BAALC: variants seen among roughly 807,000 people sequenced by gnomAD.
BAALC encodes the protein brain and acute leukemia cytoplasmic protein.
A neutral mutation model predicts 15.5 loss-of-function variants in BAALC; 9 were observed. That is an observed-to-expected ratio of 0.58 (90% CI 0.35 to 1.02). The LOEUF (loss-of-function observed/expected upper bound fraction) is 1.02, where lower values mean the gene tolerates loss of function less well. Ranked by LOEUF, BAALC falls within the 50% of genes least tolerant of loss-of-function variation. The probability of loss-of-function intolerance (pLI) is 0.02; values close to 1 mark genes in which losing one functional copy is unlikely to be tolerated. For missense variants in BAALC, 201 were observed against 192.4 expected, an observed-to-expected ratio of 1.04 and a Z score of -0.27; for synonymous variants, 80 against 74.6, an observed-to-expected ratio of 1.07 and a Z score of -0.37.
In BAALC at chr8:103,140,776, G is replaced by A. The variant is rs1035060247; in HGVS notation, c.-122G>A. The A allele has an allele frequency of 3.6e-5, 32 of 889,446 alleles. No individual in the cohort carries two copies. Among genetic ancestry groups the A allele is most frequent in the Non-Finnish European group, 4.6e-5 (32 of 690,536 alleles). The allele number at this position is 889,446 out of a possible 1,614,324, so 55.1% of individuals were successfully genotyped here. A position where few individuals can be genotyped will look rare whatever the true frequency, so the allele number is the denominator to read the frequency against. ...AGCTCCGCGCGGCTGCAGCGCGGGCGGGAGCGGGGACGCGATGTCGCCGCC... is the reference window on the plus strand; with the variant it reads ...AGCTCCGCGCGGCTGCAGCGCGGGCAGGAGCGGGGACGCGATGTCGCCGCC... On this transcript the variant is annotated 5_prime_UTR_variant, in exon 1 of 3. Transcript: ENST00000309982. The surrounding 1 kb of genome is among the most constrained non-coding windows in gnomAD (Gnocchi z 4.2).
At chr8:103,151,121 G>C (rs1053411026) in intron 1 of BAALC, among the ~76,000 whole-genome samples, 1 of 151,612 alleles carries the variant, frequency 6.6e-6, no homozygotes, top group Middle Eastern at 3.4e-3. Flanking sequence ...GGGTTCAAGC[G>C]ATTCTCCTCC....
At chr8:103,222,925 TTAA>T (rs886236506) in intron 2 of BAALC, among the ~76,000 whole-genome samples, 90 of 152,332 alleles carry the variant, frequency 5.9e-4, no homozygotes, top group African/African-American at 2.0e-3. Flanking sequence ...ACAAATAAAA[TTAA>T]TGTTAATAGC....
chr8:103,227,862 G>A (rs1427262987), intron 2 of BAALC, 127 bp from the exon 3 acceptor site: 1 of 649,832 alleles, frequency 1.5e-6, no homozygotes, highest in East Asian at 2.8e-5. Flanking sequence ...TGTGATTTAT[G>A]TTCCTTTTTC....
At chr8:103,212,187 G>A (rs1396677287) in intron 1 of BAALC, among the ~76,000 whole-genome samples, 1 of 152,162 alleles carries the variant, frequency 6.6e-6, no homozygotes, top group Non-Finnish European at 1.5e-5. Context: ...TCTCATGCCT[G>A]TAATCTCAGC....
At chr8:103,221,664 G>A (rs1297907910) in intron 2 of BAALC, among the ~76,000 whole-genome samples, 3 of 152,144 alleles carry the variant, frequency 2.0e-5, no homozygotes, top group Admixed American at 2.0e-4. Flanking sequence ...TCTTCTCAGC[G>A]GAGGGCAAAA....
Position 103,230,179 on chromosome 8 carries a change from G to T in BAALC, c.*2080G>T, listed in dbSNP as rs1242916135. The T allele has an allele frequency of 6.6e-6, 1 of 150,444 alleles. No individual in the cohort carries two copies. Among genetic ancestry groups the T allele is most frequent in the Non-Finnish European group, 1.5e-5 (1 of 67,692 alleles). 9.3% of individuals were successfully genotyped at this position (150,444 alleles called of 1,614,324 possible). A position where few individuals can be genotyped will look rare whatever the true frequency, so the allele number is the denominator to read the frequency against. ...AGACAGCAACCAGAAGTTAAACCAT[G>T]TGACTAAAAATGCATCTGGCTACTT... is the stretch of plus-strand genomic sequence containing the variant. On this transcript the variant is annotated 3_prime_UTR_variant, in exon 3 of 3. Transcript: ENST00000309982.
At chr8:103,210,634 A>C (rs1812429458) in intron 1 of BAALC, among the ~76,000 whole-genome samples, 1 of 152,258 alleles carries the variant, frequency 6.6e-6, no homozygotes, top group South Asian at 2.1e-4. Context: ...AATACCCCAA[A>C]GGAAAGAGAA....
intron 1 of BAALC, among the ~76,000 whole-genome samples, chr8:103,192,157 T>A (rs959446102): frequency 6.6e-6 from 1 of 152,224 alleles, no homozygotes; most frequent in Admixed American, 6.5e-5. Context: ...GTTCAAGCGA[T>A]TCTCCTGTCT....
chr8:103,155,727 G>A (rs1466726963), intron 1 of BAALC, among the ~76,000 whole-genome samples: 3 of 152,184 alleles, frequency 2.0e-5, no homozygotes, highest in African/African-American at 4.8e-5. Flanking sequence ...TTCACCTGGG[G>A]AATCTCAAAC....
At chr8:103,168,538 C>G (rs1563641178) in intron 1 of BAALC, among the ~76,000 whole-genome samples, 1 of 151,084 alleles carries the variant, frequency 6.6e-6, no homozygotes, top group Non-Finnish European at 1.5e-5. Context: ...GTGAATGCAT[C>G]ACTAATTCAC....
At chr8:103,203,552 A>C (rs929847635) in intron 1 of BAALC, among the ~76,000 whole-genome samples, 1 of 152,202 alleles carries the variant, frequency 6.6e-6, no homozygotes, top group Non-Finnish European at 1.5e-5. Flanking sequence ...CATTGCATCA[A>C]AAAGAAACCC....
intron 1 of BAALC, among the ~76,000 whole-genome samples, chr8:103,172,673 A>G (rs1192346209): frequency 1.3e-5 from 2 of 152,000 alleles, no homozygotes; most frequent in Non-Finnish European, 2.9e-5. Flanking sequence ...GGGATTACAG[A>G]CATGAGCCAC....
At chr8:103,173,064 T>C (rs1811533406) in intron 1 of BAALC, among the ~76,000 whole-genome samples, 1 of 152,270 alleles carries the variant, frequency 6.6e-6, no homozygotes, top group South Asian at 2.1e-4. Context: ...TTATTTTCCA[T>C]TTCACTTTTG....
intron 1 of BAALC, among the ~76,000 whole-genome samples, chr8:103,207,301 A>G (rs76858012): frequency 0.011 from 1,611 of 152,368 alleles, 43 homozygotes; most frequent in Admixed American, 0.06. Context: ...TTACATATAC[A>G]TGGGAGATAT....
rs184964435 is a variant in BAALC, at chr8:103,174,720, T to A, written c.160+33663T>A. The stretch of plus-strand genomic sequence containing the variant: ...TAAGCTTGGGAAATGCTCCATACCC[T>A]GAACTCCTCTTAGAGAGCCACAGTG... On this transcript the variant is annotated intron_variant, in intron 1 of 2. Coordinates refer to ENST00000309982, the MANE Select transcript of BAALC (RefSeq NM_024812.3). Among the ~76,000 whole-genome samples the A allele has an allele frequency of 9.8e-5, 15 of 152,310 alleles. 1 individual carries two copies. The highest frequency in any genetic ancestry group is 3.3e-4 in the Admixed American group (5 of 15,302).
At chr8:103,147,868 C>T (rs967127571) in intron 1 of BAALC, among the ~76,000 whole-genome samples, 6 of 152,194 alleles carry the variant, frequency 3.9e-5, no homozygotes, top group African/African-American at 1.2e-4. Context: ...AGAGCAGACT[C>T]GAGGGGTTTA....
intron 1 of BAALC, among the ~76,000 whole-genome samples, chr8:103,180,424 A>C (rs1231038303): frequency 6.6e-6 from 1 of 152,196 alleles, no homozygotes; most frequent in Non-Finnish European, 1.5e-5. Context: ...GACTGGAACT[A>C]GGACTCAGAA....
chr8:103,217,640 G>A (rs947978841), intron 2 of BAALC, among the ~76,000 whole-genome samples: 3 of 152,120 alleles, frequency 2.0e-5, no homozygotes, highest in Admixed American at 6.5e-5. Context: ...GTGGTTCTTC[G>A]GCATTTTTTT....
At chr8:103,175,378 ATTTAC>A (rs1042955043) in intron 1 of BAALC, among the ~76,000 whole-genome samples, 3 of 152,190 alleles carry the variant, frequency 2.0e-5, no homozygotes, top group African/African-American at 4.8e-5. Flanking sequence ...ATTTGTGTTT[ATTTAC>A]TTATGTTGTA....
Sources: gnomAD v4.1 joint callset for allele counts (sites outside exome capture counted in the v4.1 genomes callset) on GRCh38, gnomAD v4.1.1 for gene constraint, Gnocchi (gnomAD v3.1) non-coding constraint, MANE v1.5 for transcripts, NCBI Gene and HGNC (gene_info 2026-07-23, HGNC 2026-07-21) for gene names.